HSP90B1: variants seen among roughly 807,000 people sequenced by gnomAD.
HSP90B1 encodes endoplasmin.
In HSP90B1, 27 loss-of-function variants were observed where a neutral mutation model predicts 100.4. The observed-to-expected ratio is 0.27, with a 90% CI of 0.20 to 0.37. HSP90B1 has a LOEUF of 0.37. Ranked by LOEUF, HSP90B1 falls within the 10% of genes least tolerant of loss-of-function variation. The pLI, the probability that HSP90B1 is intolerant of heterozygous loss-of-function variation, is 1.00. For synonymous variants in HSP90B1, 304 were observed against 330.8 expected, an observed-to-expected ratio of 0.92 and a Z score of 0.88; for missense variants, 678 against 960.5, an observed-to-expected ratio of 0.71 and a Z score of 3.89.
At position 103,947,651 on chromosome 12, in the gene HSP90B1, G is replaced by C. The variant is rs777767051; in HGVS notation, c.2401G>C (p.Asp801His). ...ETAKESTAEK[D>H]EL is the part of the protein sequence containing the mutation. ...TTTACAGGAATCTACAGCTGAAAAA[G>C]ATGAATTGTAAATTATACTCTCACC... is the stretch of plus-strand genomic sequence containing the variant. Residue 801 changes from aspartate to histidine, a missense_variant, in exon 18 of 18, where the codon GAT becomes CAT. This residue lies in a region of HSP90B1 where 65 missense variants were observed against 65.1 expected (regional missense o/e 1.00). Coordinates refer to ENST00000299767, the MANE Select transcript of HSP90B1 (RefSeq NM_003299.3). 6 of 1,593,804 alleles carry C rather than the reference G, an allele frequency of 3.8e-6. No homozygotes were observed. The East Asian group carries it at 6.7e-5, about 18-fold the overall frequency.
At chr12:103,946,201 G>A (rs1566168501) in intron 14 of HSP90B1, among the ~76,000 whole-genome samples, 1 of 151,992 alleles carries the variant, frequency 6.6e-6, no homozygotes, top group Non-Finnish European at 1.5e-5. Context: ...TCAATCCGAG[G>A]TTGATTGACT....
In HSP90B1 at chr12:103,947,351, A is replaced by G. The variant is rs1476720153; in HGVS notation, c.2303A>G (p.Glu768Gly). The G allele has an allele frequency of 6.2e-7, 1 of 1,606,286 alleles. No homozygotes were observed. The highest frequency in any genetic ancestry group is 8.5e-7 in the Non-Finnish European group (1 of 1,174,110). ...GAAGAAGAACCTGAAGAGACAGCAG[A>G]AGACACAACAGAAGACACAGAGCAA... ...EPEEEPEETA[E>G]DTTEDTEQDE... Residue 768 changes from glutamate to glycine, a missense_variant, in exon 17 of 18, where the codon GAA becomes GGA. This residue lies in a region of HSP90B1 where 65 missense variants were observed against 65.1 expected (regional missense o/e 1.00). Transcript: ENST00000299767.
At chr12:103,946,187 A>G (rs1418924741) in intron 14 of HSP90B1, among the ~76,000 whole-genome samples, 1 of 152,010 alleles carries the variant, frequency 6.6e-6, no homozygotes, top group Non-Finnish European at 1.5e-5. Flanking sequence ...CCTTTCTAAT[A>G]TTTTCAATCC....
At chr12:103,941,136 CTTCT>C (rs952691480) in intron 8 of HSP90B1, among the ~76,000 whole-genome samples, 1 of 152,052 alleles carries the variant, frequency 6.6e-6, no homozygotes, top group African/African-American at 2.4e-5. Context: ...CTCATCCTTC[CTTCT>C]GAGAGTTTAG....
At chr12:103,941,944 G>A (rs754350919) in intron 11 of HSP90B1, 47 bp downstream of exon 11, 30 of 1,441,854 alleles carry the variant, frequency 2.1e-5, no homozygotes, top group Non-Finnish European at 2.7e-5. Context: ...TTTGATTGGG[G>A]TTCAGAGGAC....
chr12:103,935,973 C>T (rs977144103), intron 5 of HSP90B1, among the ~76,000 whole-genome samples: 2 of 152,228 alleles, frequency 1.3e-5, no homozygotes, highest in African/African-American at 2.4e-5. Flanking sequence ...ACGATGGCTG[C>T]TAACACCTAT....
At position 103,946,838 on chromosome 12, in the gene HSP90B1, C is replaced by T; in HGVS notation, c.2159C>T (p.Thr720Ile). The T allele has an allele frequency of 1.2e-6, 2 of 1,614,116 alleles. No homozygotes were observed. The highest frequency in any genetic ancestry group is 8.5e-7 in the Non-Finnish European group (1 of 1,180,012). Residue 720 changes from threonine to isoleucine, a missense_variant, in exon 16 of 18, where the codon ACA (threonine) becomes ATA (isoleucine). Around this residue, in one of 8 missense-constraint regions of HSP90B1, gnomAD observed 64 missense variants for 66.4 expected, o/e 0.96. Transcript: ENST00000299767. ...GATCTTGCTGTGGTTTTGTTTGAAA[C>T]AGCAACGCTTCGGTCAGGGTATCTT... ...VLDLAVVLFE[T>I]ATLRSGYLLP...
Position 103,942,777 on chromosome 12 carries a change from C to T in HSP90B1, c.1625C>T (p.Ala542Val). Residue 542 changes from alanine (A) to valine (V), a missense_variant, in exon 12 of 18, where the codon GCT becomes GTT. By Grantham distance (64) the Ala-to-Val change is moderately conservative (BLOSUM62 0). Around this residue, in one of 8 missense-constraint regions of HSP90B1, gnomAD observed 170 missense variants for 236.7 expected, o/e 0.72. Transcript: ENST00000299767. ...AAACAAGACAAAATCTACTTCATGG[C>T]TGGGTCCAGCAGAAAAGAGGTGAGA... is the stretch of plus-strand genomic sequence containing the variant. ...KEKQDKIYFM[A>V]GSSRKEAESS... 6.2e-7 allele frequency: 1 copy of T among 1,613,840 alleles called. No homozygotes were observed. Among genetic ancestry groups the T allele is most frequent in the Non-Finnish European group, 8.5e-7 (1 of 1,179,808 alleles).
chr12:103,936,058 A>G (rs141236917), intron 5 of HSP90B1, among the ~76,000 whole-genome samples: 35 of 152,182 alleles, frequency 2.3e-4, no homozygotes, highest in African/African-American at 7.7e-4. Context: ...GTTAACATAC[A>G]TTTTCTCCAA....
In HSP90B1 at chr12:103,942,747, A is replaced by G. The variant is rs1870114482; in HGVS notation, c.1595A>G (p.Lys532Arg). The stretch of plus-strand genomic sequence containing the variant: ...CTAGACCAGTATGTGGAAAGAATGA[A>G]GGAAAAACAAGACAAAATCTACTTC... ...TSLDQYVERM[K>R]EKQDKIYFMA... Residue 532 changes from lysine (K) to arginine (R), a missense_variant, in exon 12 of 18, where the codon AAG (lysine) becomes AGG (arginine). By Grantham distance (26) the Lys-to-Arg change is conservative. This residue lies in a region of HSP90B1 where 170 missense variants were observed against 236.7 expected (regional missense o/e 0.72). Transcript: ENST00000299767. 1.2e-6 allele frequency: 2 copies of G among 1,613,956 alleles called. No homozygotes were observed. The highest frequency in any genetic ancestry group is 4.5e-5 in the East Asian group (2 of 44,876).
chr12:103,944,029 C>G (rs1469956006), intron 14 of HSP90B1, among the ~76,000 whole-genome samples, 155 bp downstream of exon 14: 1 of 152,014 alleles, frequency 6.6e-6, no homozygotes, highest in East Asian at 1.9e-4. Flanking sequence ...AGGGATTTCT[C>G]CTACATTTGA....
At chr12:103,936,501 G>C (rs1412891464) in intron 5 of HSP90B1, among the ~76,000 whole-genome samples, 2 of 151,882 alleles carry the variant, frequency 1.3e-5, no homozygotes, top group Non-Finnish European at 2.9e-5. Context: ...TAAAAAATTA[G>C]CTTGGCACAG....
intron 14 of HSP90B1, among the ~76,000 whole-genome samples, chr12:103,945,895 G>A (rs1203063912): frequency 1.3e-5 from 2 of 151,842 alleles, no homozygotes; most frequent in Admixed American, 6.6e-5. Flanking sequence ...ACTAGCCTGT[G>A]CAATATAGTG....
rs1245548028 is a variant in HSP90B1, at chr12:103,947,687, T to C, written c.*25T>C. 3 of 1,519,010 alleles carry C rather than the reference T, an allele frequency of 2.0e-6. No individual in the cohort carries two copies. Among genetic ancestry groups the C allele is most frequent in the African/African-American group, 2.7e-5 (2 of 72,802 alleles). The allele number at this position is 1,519,010 out of a possible 1,614,324, so 94.1% of individuals were successfully genotyped here. A position where few individuals can be genotyped will look rare whatever the true frequency, so the allele number is the denominator to read the frequency against. ...AATTATACTCTCACCATTTGGATCC[T>C]GTGTGGAGAGGGAATGTGAAATTTA... On this transcript the variant is annotated 3_prime_UTR_variant, in exon 18 of 18. Coordinates refer to ENST00000299767, the MANE Select transcript of HSP90B1 (RefSeq NM_003299.3).
chr12:103,936,237 AAAC>A (rs1431154733), intron 5 of HSP90B1, among the ~76,000 whole-genome samples: 3 of 152,342 alleles, frequency 2.0e-5, no homozygotes, highest in African/African-American at 7.2e-5. Flanking sequence ...AGATAAAAGA[AAAC>A]AACAAGAAAG....
At chr12:103,939,934 A>T (rs1870026907) in intron 8 of HSP90B1, among the ~76,000 whole-genome samples, 1 of 152,246 alleles carries the variant, frequency 6.6e-6, no homozygotes, top group South Asian at 2.1e-4. Flanking sequence ...TATACTCATC[A>T]CTACTTCAAA....
At position 103,942,521 on chromosome 12, in the gene HSP90B1, G is replaced by A. The variant is rs1326696470; in HGVS notation, c.1375-6G>A. 3.7e-6 allele frequency: 6 copies of A among 1,612,940 alleles called. No homozygotes were observed. The highest frequency in any genetic ancestry group is 5.1e-6 in the Non-Finnish European group (6 of 1,179,066). On this transcript the variant is annotated splice_region_variant and splice_polypyrimidine_tract_variant and intron_variant, in intron 11 of 17. Transcript: ENST00000299767. ...CTCTAATCAGTTATTCTTTCATTGTGTTTAGGTGATTAGGAAGAAGCTTGT... is the reference window on the plus strand; with the variant it reads ...CTCTAATCAGTTATTCTTTCATTGTATTTAGGTGATTAGGAAGAAGCTTGT...
chr12:103,943,445 T>A lies in HSP90B1; in HGVS notation c.1890+126T>A. 2.7e-6 allele frequency: 1 copy of A among 368,184 alleles called. No homozygotes were observed. The highest frequency in any genetic ancestry group is 3.8e-6 in the Non-Finnish European group (1 of 263,008). 22.8% of individuals were successfully genotyped at this position (368,184 alleles called of 1,614,324 possible). ...TAGAATGGTAAAAATTTAATTAATG[T>A]AATTAAATTATTGGGAGAAAGCTTA... On this transcript the variant is annotated intron_variant, in intron 13 of 17. Coordinates refer to ENST00000299767, the MANE Select transcript of HSP90B1 (RefSeq NM_003299.3). This position sits in a 1 kb window ranked among gnomAD's most constrained non-coding sequence, Gnocchi z 5.3.
At position 103,930,850 on chromosome 12, in the gene HSP90B1, G is replaced by A. The variant is rs1489793013; in HGVS notation, c.49+286G>A. Among the ~76,000 whole-genome samples the A allele has an allele frequency of 6.6e-6, 1 of 151,870 alleles. No homozygotes were observed. Among genetic ancestry groups the A allele is most frequent in the Admixed American group, 6.6e-5 (1 of 15,266 alleles). ...CTCTCTGAGGCTCTGGCTCCCCCGG[G>A]AGCTGTGCGAGTCCCTCCCCCCTCC... On this transcript the variant is annotated intron_variant, in intron 1 of 17. Coordinates refer to ENST00000299767, the MANE Select transcript of HSP90B1 (RefSeq NM_003299.3). The surrounding 1 kb of genome is among the most constrained non-coding windows in gnomAD (Gnocchi z 4.4).
Sources: gnomAD v4.1 joint callset for allele counts (sites outside exome capture counted in the v4.1 genomes callset) on GRCh38, gnomAD v4.1.1 for gene constraint, gnomAD v4.1.1 regional missense constraint, Gnocchi (gnomAD v3.1) non-coding constraint, MANE v1.5 for transcripts, NCBI Gene and HGNC (gene_info 2026-07-23, HGNC 2026-07-21) for gene names.